The following PTPN1 variants were observed in gnomAD, a reference collection of about 807,000 sequenced individuals.
PTPN1 encodes protein tyrosine phosphatase non-receptor type 1, also known as tyrosine-protein phosphatase non-receptor type 1.
Under a neutral mutation model 59.9 loss-of-function variants are expected in PTPN1, and 12 were observed. The ratio of observed to expected loss-of-function variants is 0.20; its 90% CI spans 0.13 to 0.32. The LOEUF is 0.32. Among genes scored for constraint, PTPN1 ranks in the 10% least tolerant of loss-of-function variants. The probability of loss-of-function intolerance (pLI) is 1.00; values close to 1 mark genes in which losing one functional copy is unlikely to be tolerated. For missense variants in PTPN1, 356 were observed against 549.2 expected (o/e 0.65, Z 3.52); for synonymous variants, 178 against 203.6 (o/e 0.87, Z 1.07).
intron 1 of PTPN1, among the ~76,000 whole-genome samples, chr20:50,541,250 G>A (rs917569319): frequency 1.3e-5 from 2 of 152,178 alleles, no homozygotes; most frequent in African/African-American, 4.8e-5. Context: ...TTGGTCACTG[G>A]TACTTTCTTA....
In PTPN1 at chr20:50,559,492, G is replaced by A. The variant is rs930578926; in HGVS notation, c.64-1871G>A. Among the ~76,000 whole-genome samples, 22 of 152,210 alleles carry A rather than the reference G, an allele frequency of 1.4e-4. 1 individual carries two copies. The highest frequency in any genetic ancestry group is 9.6e-5 in the African/African-American group (4 of 41,548). Reference sequence around the variant, plus strand: ...AACTTACAGAACATTCTCTTTGTCCGCAGAATTCTGGGATTGCAATTACTG... The same window carrying A: ...AACTTACAGAACATTCTCTTTGTCCACAGAATTCTGGGATTGCAATTACTG... On this transcript the variant is annotated intron_variant, in intron 1 of 9. Coordinates refer to ENST00000371621, the MANE Select transcript of PTPN1 (RefSeq NM_002827.4).
chr20:50,582,261 C>T lies in PTPN1; in HGVS notation c.1285-431C>T, dbSNP rs191530268. ...GCCTCTGCCTGGGGGTCAGAGGTCA[C>T]CACAGGGTGGCCATTGGCATGTCAA... On this transcript the variant is annotated intron_variant, in intron 9 of 9. Transcript: ENST00000371621. This position sits in a 1 kb window ranked among gnomAD's most constrained non-coding sequence, Gnocchi z 4.2. 3.9e-5 allele frequency among the ~76,000 whole-genome samples: 6 copies of T among 152,324 alleles called. No individual in the cohort carries two copies. In the East Asian group the frequency reaches 1.2e-3, roughly 29 times the overall value.
intron 1 of PTPN1, among the ~76,000 whole-genome samples, chr20:50,520,404 C>T (rs1166435773): frequency 6.6e-6 from 1 of 151,090 alleles, no homozygotes; most frequent in Admixed American, 6.6e-5. Flanking sequence ...GATTTCTTTG[C>T]TTTGTGACAC....
At chr20:50,533,451 G>A (rs1160092027) in intron 1 of PTPN1, among the ~76,000 whole-genome samples, 3 of 81,658 alleles carry the variant, frequency 3.7e-5, no homozygotes, top group Non-Finnish European at 7.4e-5. Context: ...CCTGCCCCCC[G>A]CCCCCAGCCT....
At chr20:50,541,510 T>G (rs2122751157) in intron 1 of PTPN1, among the ~76,000 whole-genome samples, 1 of 152,250 alleles carries the variant, frequency 6.6e-6, no homozygotes, top group East Asian at 1.9e-4. Context: ...CCAGGCTTGG[T>G]GAACAGTGGC....
chr20:50,534,940 G>T (rs1432272949), intron 1 of PTPN1, among the ~76,000 whole-genome samples: 1 of 93,446 alleles, frequency 1.1e-5, no homozygotes, highest in Non-Finnish European at 2.4e-5. Context: ...TGTTGCTCAG[G>T]CTGGCCTTGA....
chr20:50,566,409 G>A (rs911966385), intron 3 of PTPN1, among the ~76,000 whole-genome samples: 5 of 152,030 alleles, frequency 3.3e-5, no homozygotes, highest in African/African-American at 1.2e-4. Flanking sequence ...TGCCTACCCC[G>A]CATCCTAGCG....
At chr20:50,550,147 G>A (rs1027814082) in intron 1 of PTPN1, among the ~76,000 whole-genome samples, 3 of 151,968 alleles carry the variant, frequency 2.0e-5, no homozygotes, top group African/African-American at 7.3e-5. Flanking sequence ...TTCACTTACT[G>A]CATTTTAAAT....
chr20:50,546,410 T>G (rs2082676412), intron 1 of PTPN1, among the ~76,000 whole-genome samples: 1 of 152,208 alleles, frequency 6.6e-6, no homozygotes, highest in Non-Finnish European at 1.5e-5. Context: ...TTTATTGTTG[T>G]GGCTTCACTG....
intron 3 of PTPN1, among the ~76,000 whole-genome samples, chr20:50,565,989 TCCTC>T (rs1414833434): frequency 6.6e-6 from 1 of 152,172 alleles, no homozygotes; most frequent in African/African-American, 2.4e-5. Flanking sequence ...TTGTCCCAGT[TCCTC>T]CCCATTTATG....
At chr20:50,511,779 T>G (rs1422144624) in intron 1 of PTPN1, among the ~76,000 whole-genome samples, 3 of 152,214 alleles carry the variant, frequency 2.0e-5, no homozygotes, top group Non-Finnish European at 4.4e-5. Flanking sequence ...GTATCTTAAA[T>G]AAGCGATATA....
chr20:50,576,737 G>A (rs1339071705), intron 5 of PTPN1, among the ~76,000 whole-genome samples: 4 of 151,726 alleles, frequency 2.6e-5, no homozygotes, highest in Non-Finnish European at 4.4e-5. Context: ...TTAGCCGGGC[G>A]TGGTGGCGGG....
At chr20:50,526,551 C>T (rs2082576339) in intron 1 of PTPN1, among the ~76,000 whole-genome samples, 1 of 152,178 alleles carries the variant, frequency 6.6e-6, no homozygotes, top group Non-Finnish European at 1.5e-5. Flanking sequence ...TCCTGTTCCT[C>T]TCTTCCAGCT....
At chr20:50,564,711 C>G (rs2122782127) in intron 2 of PTPN1, among the ~76,000 whole-genome samples, 1 of 152,238 alleles carries the variant, frequency 6.6e-6, no homozygotes, top group Admixed American at 6.5e-5. Context: ...ACAGATTTCC[C>G]AGATAGGACA....
intron 1 of PTPN1, among the ~76,000 whole-genome samples, chr20:50,524,669 C>T (rs567236652): frequency 2.7e-4 from 41 of 149,454 alleles, no homozygotes; most frequent in African/African-American, 9.9e-4. Context: ...CTCCGCCTCC[C>T]GGGTTCAAGC....
chr20:50,561,393 T>C lies in PTPN1; in HGVS notation c.94T>C (p.Cys32Arg). The change falls in exon 2 of 10, where the codon TGT becomes CGT. Residue 32 changes from cysteine (C) to arginine (R), a missense_variant. This residue lies in a region of PTPN1 where 194 missense variants were observed against 344.2 expected (regional missense o/e 0.56). Coordinates refer to ENST00000371621, the MANE Select transcript of PTPN1 (RefSeq NM_002827.4). ...CCGACATGAAGCCAGTGACTTCCCATGTAGAGTGGCCAAGCTTCCTAAGAA... is the reference window on the plus strand; with the variant it reads ...CCGACATGAAGCCAGTGACTTCCCACGTAGAGTGGCCAAGCTTCCTAAGAA... Reference protein sequence around the residue: ...DIRHEASDFPCRVAKLPKNKN... With the variant: ...DIRHEASDFPRRVAKLPKNKN... The C allele has an allele frequency of 6.2e-7, 1 of 1,613,266 alleles. No individual in the cohort carries two copies. The highest frequency in any genetic ancestry group is 8.5e-7 in the Non-Finnish European group (1 of 1,179,534).
chr20:50,545,462 A>G (rs746788787), intron 1 of PTPN1, among the ~76,000 whole-genome samples: 4 of 152,218 alleles, frequency 2.6e-5, no homozygotes, highest in East Asian at 1.9e-4. Context: ...TTATTCAGCA[A>G]TATCCTAAAT....
chr20:50,525,035 A>C (rs1299674090), intron 1 of PTPN1, among the ~76,000 whole-genome samples: 1 of 152,166 alleles, frequency 6.6e-6, no homozygotes, highest in Non-Finnish European at 1.5e-5. Flanking sequence ...TTCAGATTAC[A>C]GATTCTGATA....
chr20:50,540,450 C>A (rs1350274129), intron 1 of PTPN1, among the ~76,000 whole-genome samples: 1 of 152,202 alleles, frequency 6.6e-6, no homozygotes, highest in African/African-American at 2.4e-5. Flanking sequence ...CCAGCTCTTA[C>A]ATGAACTCAT....
Sources: gnomAD v4.1 joint callset for allele counts (sites outside exome capture counted in the v4.1 genomes callset) on GRCh38, gnomAD v4.1.1 for gene constraint, gnomAD v4.1.1 regional missense constraint, Gnocchi (gnomAD v3.1) non-coding constraint, MANE v1.5 for transcripts, NCBI Gene and HGNC (gene_info 2026-07-23, HGNC 2026-07-21) for gene names.